Variants in NAV2 observed in about 807,000 individuals in gnomAD.
The protein encoded by NAV2 is neuron navigator 2.
NAV2 carries 54 observed loss-of-function variants against 223.2 expected under a neutral mutation model. The ratio of observed to expected loss-of-function variants is 0.24; its 90% CI spans 0.19 to 0.30. NAV2 has a LOEUF of 0.30. Among genes scored for constraint, NAV2 ranks in the 10% least tolerant of loss-of-function variants. The pLI is 1.00. For synonymous variants in NAV2, 1,279 were observed against 1,239.3 expected (o/e 1.03, Z -0.67); for missense variants, 2,806 against 3,147.5 (o/e 0.89, Z 2.60).
chr11:19,446,126 C>A (rs1278657690), intron 1 of NAV2, among the ~76,000 whole-genome samples: 2 of 152,294 alleles, frequency 1.3e-5, no homozygotes, highest in East Asian at 3.9e-4. Flanking sequence ...CAGGAAACAA[C>A]ACAAGAAAAA....
chr11:19,606,194 C>G (rs2046472112), intron 1 of NAV2, among the ~76,000 whole-genome samples: 1 of 152,200 alleles, frequency 6.6e-6, no homozygotes, highest in African/African-American at 2.4e-5. Context: ...CTTTGTTTGG[C>G]TGTGAAGACT....
intron 24 of NAV2, 143 bp downstream of exon 24, chr11:20,078,247 C>A: frequency 2.9e-6 from 2 of 679,314 alleles, no homozygotes; most frequent in Non-Finnish European, 5.2e-6. Context: ...AACTGGAAGG[C>A]AAACACCTTT....
chr11:20,005,766 A>C (rs2053014844), intron 11 of NAV2, among the ~76,000 whole-genome samples: 1 of 152,198 alleles, frequency 6.6e-6, no homozygotes, highest in Non-Finnish European at 1.5e-5. Flanking sequence ...TCATGCCAGA[A>C]AACTGAAATG....
chr11:20,030,147 A>G (rs987955516), intron 11 of NAV2, among the ~76,000 whole-genome samples: 2 of 152,208 alleles, frequency 1.3e-5, no homozygotes, highest in East Asian at 1.9e-4. Flanking sequence ...ACACAATGCT[A>G]TCTCCAGCAA....
chr11:19,350,676 C>T, upstream of NAV2: 1 of 468,942 alleles, frequency 2.1e-6, no homozygotes, highest in Non-Finnish European at 3.9e-6. Flanking sequence ...GTCCTCTGGG[C>T]TCTCATGAAG....
intron 1 of NAV2, among the ~76,000 whole-genome samples, chr11:19,363,133 C>T (rs1854054615): frequency 6.6e-6 from 1 of 152,082 alleles, no homozygotes; most frequent in African/African-American, 2.4e-5. Flanking sequence ...CCTCCCCTAG[C>T]CCCCCACCCC....
chr11:20,054,046 A>C (rs1312332662), intron 17 of NAV2, 34 bp from the exon 18 acceptor site: 1 of 1,606,590 alleles, frequency 6.2e-7, no homozygotes, highest in Non-Finnish European at 8.5e-7. Flanking sequence ...AGCATTGTTC[A>C]TAGTTAATTC....
At chr11:19,889,749 A>T (rs549232014) in intron 5 of NAV2, among the ~76,000 whole-genome samples, 39 of 152,354 alleles carry the variant, frequency 2.6e-4, no homozygotes, top group Middle Eastern at 3.4e-3. Flanking sequence ...CGGATGTTTC[A>T]TTCCAGAGAG....
intron 1 of NAV2, among the ~76,000 whole-genome samples, chr11:19,776,601 TGTGTGTGG>T (rs955555752): frequency 7.8e-5 from 11 of 141,362 alleles, no homozygotes; most frequent in Admixed American, 1.4e-4. Context: ...TGTGTGTGTG[TGTGTGTGG>T]TTAGAGTTGT....
rs751781215 is a variant in NAV2, at chr11:19,880,032, TCAG to T, written c.682_684del (p.Gln228del). The T allele has an allele frequency of 1.7e-5, 28 of 1,613,500 alleles. No homozygotes were observed. Among genetic ancestry groups the T allele is most frequent in the South Asian group, 2.2e-5 (2 of 91,030 alleles). ...CCTCCCAGTGCCAGGCTGGCACCCCTCAGCAGCAGGTGCCAGTCACTCCCCAAG... is the reference window on the plus strand; with the variant it reads ...CCTCCCAGTGCCAGGCTGGCACCCCTCAGCAGGTGCCAGTCACTCCCCAAG... On this transcript the variant is annotated inframe_deletion, in exon 5 of 38. Coordinates refer to ENST00000349880, the MANE Select transcript of NAV2 (RefSeq NM_145117.5).
At chr11:19,783,630 G>A (rs936891805) in intron 1 of NAV2, among the ~76,000 whole-genome samples, 3 of 152,240 alleles carry the variant, frequency 2.0e-5, no homozygotes, top group African/African-American at 7.2e-5. Flanking sequence ...CATAGATACT[G>A]GGGATAGTCA....
chr11:19,391,701 G>T (rs1404713452), intron 1 of NAV2, among the ~76,000 whole-genome samples: 2 of 151,962 alleles, frequency 1.3e-5, no homozygotes, highest in East Asian at 1.9e-4. Context: ...GGCAGGAACT[G>T]GGGGGGATGG....
At chr11:19,404,096 A>G (rs1590136501) in intron 1 of NAV2, among the ~76,000 whole-genome samples, 1 of 152,138 alleles carries the variant, frequency 6.6e-6, no homozygotes, top group East Asian at 1.9e-4. Flanking sequence ...CCTTGTGAAG[A>G]TAAGGTGGAG....
At chr11:19,984,035 G>C in intron 10 of NAV2, 90 bp from the exon 11 acceptor site, 1 of 1,555,484 alleles carries the variant, frequency 6.4e-7, no homozygotes, top group Non-Finnish European at 8.8e-7. Context: ...TAGAGCACTT[G>C]GCGGCTGTAC....
intron 1 of NAV2, among the ~76,000 whole-genome samples, chr11:19,657,124 C>T (rs988761315): frequency 4.3e-4 from 66 of 152,002 alleles, no homozygotes; most frequent in African/African-American, 1.6e-3. Flanking sequence ...GAGTTTGAGG[C>T]TGGGGGTGTA....
chr11:19,850,080 G>A (rs1295179811), intron 3 of NAV2, among the ~76,000 whole-genome samples: 1 of 152,194 alleles, frequency 6.6e-6, no homozygotes, highest in East Asian at 1.9e-4. Context: ...GTATGCCAAA[G>A]AGGCCGTGTA....
At chr11:19,934,946 G>A in intron 7 of NAV2, among the ~76,000 whole-genome samples, 1 of 152,132 alleles carries the variant, frequency 6.6e-6, no homozygotes, top group East Asian at 1.9e-4. Context: ...CACATCCTCA[G>A]GACCATGGGA....
At chr11:20,090,778 T>C (rs1233611527) in intron 26 of NAV2, 87 bp from the exon 27 acceptor site, 2 of 1,438,788 alleles carry the variant, frequency 1.4e-6, no homozygotes, top group African/African-American at 2.8e-5. Flanking sequence ...CAGTTACTGC[T>C]AAACAAACCT....
chr11:20,080,226 T>C lies in NAV2; in HGVS notation c.5325+17T>C, dbSNP rs2060005406. On this transcript the variant is annotated intron_variant, in intron 25 of 37. Coordinates refer to ENST00000349880, the MANE Select transcript of NAV2 (RefSeq NM_145117.5). ...AAGAACTGGGTGAGTGCACATCCAC[T>C]CTCCTGGGGACTGACGGACAGAGTC... The C allele has an allele frequency of 1.2e-6, 2 of 1,610,416 alleles. No homozygotes were observed. The highest frequency in any genetic ancestry group is 1.7e-6 in the Non-Finnish European group (2 of 1,177,602).
Sources: allele counts gnomAD v4.1 joint callset (sites outside exome capture counted in the v4.1 genomes callset), GRCh38; gene constraint gnomAD v4.1.1; transcripts MANE v1.5; gene names NCBI Gene and HGNC (gene_info 2026-07-23, HGNC 2026-07-21).